MYO10: variants seen among roughly 807,000 people sequenced by gnomAD.
MYO10 encodes myosin X.
MYO10 carries 133 observed loss-of-function variants against 257.3 expected under a neutral mutation model. The ratio of observed to expected loss-of-function variants is 0.52; its 90% CI spans 0.45 to 0.60. MYO10 has a LOEUF of 0.60. Ranked by LOEUF, MYO10 falls within the 20% of genes least tolerant of loss-of-function variation. The pLI, the probability that MYO10 is intolerant of heterozygous loss-of-function variation, is 0.00. For synonymous variants in MYO10, 1,104 were observed against 1,028.6 expected (o/e 1.07, Z -1.40); for missense variants, 2,399 against 2,635.7 (o/e 0.91, Z 1.97).
At chr5:16,697,993 T>C (rs1419503688) in intron 26 of MYO10, among the ~76,000 whole-genome samples, 1 of 152,236 alleles carries the variant, frequency 6.6e-6, no homozygotes, top group Admixed American at 6.5e-5. Context: ...ATGATTATGG[T>C]TTCTTATTAT....
intron 3 of MYO10, among the ~76,000 whole-genome samples, chr5:16,807,302 CA>C (rs1742306180): frequency 6.6e-6 from 1 of 152,198 alleles, no homozygotes; most frequent in Admixed American, 6.5e-5. Context: ...TTACTTCACA[CA>C]TAGTGACAAC....
intron 1 of MYO10, among the ~76,000 whole-genome samples, chr5:16,889,763 G>A (rs770671724): frequency 2.0e-5 from 3 of 151,602 alleles, no homozygotes; most frequent in Non-Finnish European, 1.5e-5. Context: ...GCAGTAGGAG[G>A]TACAGGACAG....
intron 10 of MYO10, 73 bp from the exon 11 acceptor site, chr5:16,766,271 C>T (rs1339372949): frequency 1.0e-5 from 11 of 1,098,962 alleles, no homozygotes; most frequent in Admixed American, 4.0e-5. Context: ...GATACCTTAA[C>T]GCAGAGAACA....
chr5:16,672,035 C>T (rs1002214574), intron 37 of MYO10, among the ~76,000 whole-genome samples: 6 of 152,208 alleles, frequency 3.9e-5, no homozygotes, highest in Non-Finnish European at 8.8e-5. Context: ...TGGCTCACGC[C>T]TGTAATCCCA....
intron 1 of MYO10, among the ~76,000 whole-genome samples, chr5:16,923,045 AG>A (rs1398829237): frequency 6.6e-6 from 1 of 152,036 alleles, no homozygotes; most frequent in African/African-American, 2.4e-5. Flanking sequence ...AAGAAAGAAA[AG>A]GAAAAAGAGA....
intron 19 of MYO10, among the ~76,000 whole-genome samples, chr5:16,730,800 A>T (rs931530983): frequency 1.3e-5 from 2 of 152,194 alleles, no homozygotes; most frequent in Middle Eastern, 6.3e-3. Context: ...TATATTCAAA[A>T]TATAGAGAGG....
At position 16,703,041 on chromosome 5, in the gene MYO10, T is replaced by G. The variant is rs1201836370; in HGVS notation, c.2394A>C (p.Gln798His). 1 of 1,554,820 alleles carries G rather than the reference T, an allele frequency of 6.4e-7. No homozygotes were observed. Among genetic ancestry groups the G allele is most frequent in the Admixed American group, 2.0e-5 (1 of 51,130 alleles). The change falls in exon 23 of 41, where the codon CAA becomes CAC. Residue 798 changes from glutamine (Q) to histidine (H), a missense_variant. Gln to His is a conservative substitution (Grantham distance 24). Coordinates refer to ENST00000513610, the MANE Select transcript of MYO10 (RefSeq NM_012334.3). The stretch of plus-strand genomic sequence containing the variant: ...CTCTCCGAGCAATCTGACCTCTGAG[T>G]TGCTTCTGGAAAACTATGGCTGCCT... ...LKKAAIVFQK[Q>H]LRGQIARRVY...
rs558288926 is a variant in MYO10 at position 16,833,467 on chromosome 5, C to T, written c.121-15300G>A. Among the ~76,000 whole-genome samples the T allele has an allele frequency of 1.2e-4, 19 of 152,280 alleles. 1 individual carries two copies. Among genetic ancestry groups the T allele is most frequent in the Admixed American group, 1.0e-3 (16 of 15,298 alleles). Reference sequence around the variant, plus strand: ...GACCTCGTGATTTGCCCACCTCAGCCTCCCAAAGTGCTGGGATTATAGGTG... The same window carrying T: ...GACCTCGTGATTTGCCCACCTCAGCTTCCCAAAGTGCTGGGATTATAGGTG... On this transcript the variant is annotated intron_variant, in intron 2 of 40. Transcript: ENST00000513610.
Position 16,662,502 on chromosome 5 carries a change from T to G in MYO10, c.*4190A>C, listed in dbSNP as rs560588974. 6.6e-6 allele frequency: 1 copy of G among 151,830 alleles called. No individual in the cohort carries two copies. Among genetic ancestry groups the G allele is most frequent in the African/African-American group, 2.4e-5 (1 of 41,310 alleles). The allele number at this position is 151,830 out of a possible 1,614,324, so 9.4% of individuals were successfully genotyped here. On this transcript the variant is annotated 3_prime_UTR_variant, in exon 41 of 41. Coordinates refer to ENST00000513610, the MANE Select transcript of MYO10 (RefSeq NM_012334.3). ...CCACACCTGGCTAATGTTAATTTTC[T>G]GTGGAGACAGGGTCTTGTCATGTTG...
chr5:16,789,253 C>G (rs250346), intron 4 of MYO10, among the ~76,000 whole-genome samples: 2 of 152,052 alleles, frequency 1.3e-5, no homozygotes, highest in Non-Finnish European at 2.9e-5. Flanking sequence ...GAGGTGCTTT[C>G]GCCCACAAAG....
At chr5:16,791,485 T>C (rs1393191877) in intron 4 of MYO10, among the ~76,000 whole-genome samples, 1 of 151,864 alleles carries the variant, frequency 6.6e-6, no homozygotes, top group East Asian at 1.9e-4. Context: ...TCCACCCCCC[T>C]CTCCCCCTTA....
chr5:16,745,967 T>C (rs1037780721), intron 19 of MYO10, among the ~76,000 whole-genome samples: 2 of 152,090 alleles, frequency 1.3e-5, no homozygotes, highest in African/African-American at 2.4e-5. Flanking sequence ...TTGGATCTCA[T>C]GTAAGAAAGA....
intron 19 of MYO10, among the ~76,000 whole-genome samples, chr5:16,733,231 TA>T (rs1739657202): frequency 6.6e-6 from 1 of 152,030 alleles, no homozygotes; most frequent in Non-Finnish European, 1.5e-5. Context: ...TGCCAAATAT[TA>T]AAAAGACCAC....
intron 37 of MYO10, among the ~76,000 whole-genome samples, chr5:16,672,272 G>A (rs1355468501): frequency 7.2e-6 from 1 of 138,372 alleles, no homozygotes; most frequent in Non-Finnish European, 1.5e-5. Flanking sequence ...TTCAGCCTGG[G>A]CAACAGAGCA....
intron 18 of MYO10, among the ~76,000 whole-genome samples, chr5:16,756,364 C>T (rs1740528952): frequency 6.6e-6 from 1 of 152,148 alleles, no homozygotes; most frequent in Non-Finnish European, 1.5e-5. Flanking sequence ...CCATGCCCAG[C>T]CCATAAATTT....
intron 26 of MYO10, among the ~76,000 whole-genome samples, chr5:16,695,151 C>T (rs535351138): frequency 3.3e-5 from 5 of 152,088 alleles, no homozygotes; most frequent in Admixed American, 2.0e-4. Flanking sequence ...CTGGCCAACA[C>T]GGTAAAACCC....
At chr5:16,762,143 A>AAAAAAATATATATATAT (rs370443366) in intron 15 of MYO10, 30 bp from the exon 16 acceptor site, 1 of 1,055,752 alleles carries the variant, frequency 9.5e-7, no homozygotes, top group African/African-American at 1.6e-5. Flanking sequence ...AAAAAAAAAA[A>AAAAAAATATATATATAT]ATACAATGCC....
chr5:16,742,738 G>C (rs1740057359), intron 19 of MYO10, among the ~76,000 whole-genome samples: 1 of 151,658 alleles, frequency 6.6e-6, no homozygotes, highest in South Asian at 2.1e-4. Flanking sequence ...TTGAAAACAG[G>C]AAGCGGACAT....
intron 19 of MYO10, chr5:16,738,160 G>A: frequency 1.0e-6 from 1 of 985,488 alleles, no homozygotes; most frequent in South Asian, 4.7e-5. Flanking sequence ...AAGGAGAGAA[G>A]CCAGTGTTTC....
Sources: gnomAD v4.1 joint callset for allele counts (sites outside exome capture counted in the v4.1 genomes callset) on GRCh38, gnomAD v4.1.1 for gene constraint, MANE v1.5 for transcripts, NCBI Gene and HGNC (gene_info 2026-07-23, HGNC 2026-07-21) for gene names.